The following ROBO1 variants were observed in gnomAD, a reference collection of about 807,000 sequenced individuals.
ROBO1 encodes roundabout guidance receptor 1.
A neutral mutation model predicts 195.9 loss-of-function variants in ROBO1; 149 were observed. The ratio of observed to expected loss-of-function variants is 0.76; its 90% confidence interval spans 0.67 to 0.87. The LOEUF is 0.87. ROBO1 is among the 40% of genes least tolerant of loss of function. ROBO1 has a pLI of 0.00. For missense variants in ROBO1, 1,933 were observed against 2,068.3 expected (o/e 0.93, Z 1.27); for synonymous variants, 816 against 733.2 (o/e 1.11, Z -1.82).
At chr3:79,677,193 A>G (rs1946807823) in intron 1 of ROBO1, among the ~76,000 whole-genome samples, 1 of 151,796 alleles carries the variant, frequency 6.6e-6, no homozygotes, top group South Asian at 2.1e-4. Context: ...CCATAATTAA[A>G]CTACATACCT....
intron 2 of ROBO1, among the ~76,000 whole-genome samples, chr3:79,589,245 G>A (rs1364239399): frequency 6.6e-6 from 1 of 151,568 alleles, no homozygotes; most frequent in East Asian, 1.9e-4. Context: ...AACAGTATAA[G>A]TAAAGCATTT....
intron 4 of ROBO1, among the ~76,000 whole-genome samples, chr3:78,899,578 A>G (rs959804398): frequency 1.3e-5 from 2 of 152,232 alleles, no homozygotes; most frequent in Admixed American, 1.3e-4. Flanking sequence ...TTAAACAACC[A>G]TAAATATGGC....
chr3:79,760,236 CAAAAAAAAAAAA>C (rs11451206), intron 1 of ROBO1, among the ~76,000 whole-genome samples: 3 of 4,514 alleles, frequency 6.6e-4, no homozygotes, highest in African/African-American at 2.0e-3. Flanking sequence ...GACCCTATCT[CAAAAAAAAAAAA>C]AAAAAAAAAA....
In ROBO1 at chr3:79,705,626, C is replaced by A. The variant is rs143812586; in HGVS notation, c.-51+62126G>T. Among the ~76,000 whole-genome samples the A allele has an allele frequency of 5.2e-3, 797 of 152,180 alleles. 4 individuals carry two copies. Among genetic ancestry groups the A allele is most frequent in the African/African-American group, 0.018 (760 of 41,556 alleles). ...AATTTGGATAGCGTCAATCCCCCAA[C>A]TATTTTCTTTCTTTTTTATAGTGTT... On this transcript the variant is annotated intron_variant, in intron 1 of 30. Transcript: ENST00000464233.
chr3:79,565,973 CTT>C (rs1943076863), intron 2 of ROBO1, among the ~76,000 whole-genome samples: 1 of 152,084 alleles, frequency 6.6e-6, no homozygotes, highest in South Asian at 2.1e-4. Flanking sequence ...TGGTGGAACT[CTT>C]TGCATTAGCC....
At chr3:79,607,032 T>G (rs945162367) in intron 1 of ROBO1, among the ~76,000 whole-genome samples, 2 of 151,046 alleles carry the variant, frequency 1.3e-5, no homozygotes, top group Admixed American at 6.6e-5. Context: ...AACCTATAAT[T>G]AAGCATAATA....
At chr3:79,310,666 A>G (rs2033442619) in intron 2 of ROBO1, among the ~76,000 whole-genome samples, 1 of 152,194 alleles carries the variant, frequency 6.6e-6, no homozygotes, top group African/African-American at 2.4e-5. Flanking sequence ...GTTTGAGTTG[A>G]TGTATATCAT....
At chr3:79,167,359 G>A (rs2081086213) in intron 2 of ROBO1, among the ~76,000 whole-genome samples, 1 of 152,126 alleles carries the variant, frequency 6.6e-6, no homozygotes, top group Non-Finnish European at 1.5e-5. Context: ...GAGGAACACA[G>A]AGAATTTAGC....
At chr3:78,602,192 C>T (rs1703217516) in intron 29 of ROBO1, among the ~76,000 whole-genome samples, 1 of 152,050 alleles carries the variant, frequency 6.6e-6, no homozygotes, top group African/African-American at 2.4e-5. Context: ...GCAGATACCT[C>T]ATGGATCGCT....
At chr3:79,271,954 AATCT>A (rs1559780288) in intron 2 of ROBO1, among the ~76,000 whole-genome samples, 1 of 152,068 alleles carries the variant, frequency 6.6e-6, no homozygotes, top group African/African-American at 2.4e-5. Flanking sequence ...GTGACATGGA[AATCT>A]ATCTAATATG....
chr3:79,025,910 C>T (rs571628550), intron 3 of ROBO1, among the ~76,000 whole-genome samples: 3 of 152,260 alleles, frequency 2.0e-5, no homozygotes, highest in Admixed American at 6.5e-5. Context: ...GTGACTGGAA[C>T]ACAGTTCTCT....
chr3:78,963,044 T>C (rs1226056616), intron 3 of ROBO1, among the ~76,000 whole-genome samples: 1 of 151,600 alleles, frequency 6.6e-6, no homozygotes, highest in Non-Finnish European at 1.5e-5. Context: ...TATCTTAGTA[T>C]CTTCCAGGTA....
intron 2 of ROBO1, among the ~76,000 whole-genome samples, chr3:79,307,271 A>G (rs957114695): frequency 6.6e-6 from 1 of 152,080 alleles, no homozygotes; most frequent in Non-Finnish European, 1.5e-5. Context: ...TTCAAACTAT[A>G]GACATTATCC....
intron 3 of ROBO1, among the ~76,000 whole-genome samples, chr3:79,081,899 T>A (rs1256010055): frequency 1.3e-5 from 2 of 152,172 alleles, no homozygotes; most frequent in African/African-American, 4.8e-5. Context: ...TTAACAATAG[T>A]GACATTTAAT....
intron 2 of ROBO1, among the ~76,000 whole-genome samples, chr3:79,133,938 C>T (rs1030570445): frequency 6.6e-6 from 1 of 151,994 alleles, no homozygotes; most frequent in Non-Finnish European, 1.5e-5. Flanking sequence ...TTGGAATACC[C>T]TGCCGTGTGA....
intron 3 of ROBO1, among the ~76,000 whole-genome samples, chr3:79,070,610 TG>T (rs1241192436): frequency 6.6e-6 from 1 of 151,874 alleles, no homozygotes. Context: ...ATCTCTTTTT[TG>T]TGGGAAGTAA....
At chr3:79,310,483 A>C (rs73122578) in intron 2 of ROBO1, among the ~76,000 whole-genome samples, 39,900 of 152,050 alleles carry the variant, frequency 0.26, 5,950 homozygotes, top group African/African-American at 0.41. Flanking sequence ...TGAAGTGCTG[A>C]GAGCTTTCTC....
chr3:79,301,913 T>C (rs556298376), intron 2 of ROBO1, among the ~76,000 whole-genome samples: 23 of 152,292 alleles, frequency 1.5e-4, no homozygotes, highest in Non-Finnish European at 2.4e-4. Flanking sequence ...AATCATAGTG[T>C]TGTAAAATAG....
At chr3:79,337,409 A>G (rs1390757817) in intron 2 of ROBO1, among the ~76,000 whole-genome samples, 1 of 152,158 alleles carries the variant, frequency 6.6e-6, no homozygotes, top group African/African-American at 2.4e-5. Context: ...GTGAGGTCTC[A>G]CAAGATCTGA....
Sources: allele counts gnomAD v4.1 joint callset (sites outside exome capture counted in the v4.1 genomes callset), GRCh38; gene constraint gnomAD v4.1.1; transcripts MANE v1.5; gene names NCBI Gene and HGNC (gene_info 2026-07-23, HGNC 2026-07-21).